TACR3: variants seen among roughly 807,000 people sequenced by gnomAD.
TACR3 encodes neuromedin-K receptor.
In TACR3, 34 loss-of-function variants were observed where a neutral mutation model predicts 35.0. The ratio of observed to expected loss-of-function variants is 0.97; its 90% confidence interval spans 0.74 to 1.30. The LOEUF is 1.30. Among genes scored for constraint, TACR3 ranks in the 50% most tolerant of loss-of-function variants. TACR3 has a pLI of 0.00. For missense variants in TACR3, 558 were observed against 591.7 expected (o/e 0.94, Z 0.59); for synonymous variants, 233 against 221.1 (o/e 1.05, Z -0.48).
At chr4:103,687,344 G>A (rs887356531) in intron 1 of TACR3, among the ~76,000 whole-genome samples, 3 of 152,084 alleles carry the variant, frequency 2.0e-5, no homozygotes, top group African/African-American at 4.8e-5. Context: ...CACAAGACAG[G>A]GATGCCCTCT....
At chr4:103,635,842 T>A (rs1725176247) in intron 3 of TACR3, among the ~76,000 whole-genome samples, 1 of 151,990 alleles carries the variant, frequency 6.6e-6, no homozygotes, top group Non-Finnish European at 1.5e-5. Flanking sequence ...AACATATTAC[T>A]GAATCAGTAC....
chr4:103,652,575 T>G (rs903056014), intron 3 of TACR3, among the ~76,000 whole-genome samples: 1 of 152,030 alleles, frequency 6.6e-6, no homozygotes, highest in African/African-American at 2.4e-5. Flanking sequence ...TAGGAAATGA[T>G]TATTTTTGTG....
At chr4:103,605,818 C>T (rs1397145568) in intron 3 of TACR3, among the ~76,000 whole-genome samples, 4 of 152,060 alleles carry the variant, frequency 2.6e-5, no homozygotes, top group Non-Finnish European at 4.4e-5. Context: ...TGCAGAAGCT[C>T]TTTAGTTTAA....
chr4:103,603,176 G>T (rs896428653), intron 3 of TACR3, among the ~76,000 whole-genome samples: 3 of 152,212 alleles, frequency 2.0e-5, no homozygotes, highest in African/African-American at 7.2e-5. Flanking sequence ...AGACTCCATG[G>T]GCGTAGGACC....
intron 1 of TACR3, among the ~76,000 whole-genome samples, chr4:103,659,172 C>T (rs944872855): frequency 2.0e-5 from 3 of 152,194 alleles, no homozygotes; most frequent in Non-Finnish European, 2.9e-5. Flanking sequence ...CCACCACTCA[C>T]TTCCTGCTGT....
At chr4:103,714,982 C>A (rs989860994) in intron 1 of TACR3, among the ~76,000 whole-genome samples, 8 of 152,076 alleles carry the variant, frequency 5.3e-5, no homozygotes, top group African/African-American at 1.9e-4. Context: ...AAATTAAAAA[C>A]AACAAAGGGT....
At chr4:103,717,935 G>A (rs1483672260) in intron 1 of TACR3, among the ~76,000 whole-genome samples, 3 of 152,096 alleles carry the variant, frequency 2.0e-5, no homozygotes, top group African/African-American at 4.8e-5. Flanking sequence ...TTTAAAAAGT[G>A]TGATTTTGTG....
intron 3 of TACR3, among the ~76,000 whole-genome samples, chr4:103,646,614 G>T (rs1005301306): frequency 1.3e-5 from 2 of 151,938 alleles, no homozygotes; most frequent in African/African-American, 4.8e-5. Flanking sequence ...TGTCAGTAGG[G>T]AGTCATTTGT....
At chr4:103,617,658 T>C (rs1204457148) in intron 3 of TACR3, among the ~76,000 whole-genome samples, 1 of 152,216 alleles carries the variant, frequency 6.6e-6, no homozygotes, top group Non-Finnish European at 1.5e-5. Context: ...ACTTGGAATA[T>C]CAAAATGATT....
At chr4:103,695,208 C>T (rs1406105409) in intron 1 of TACR3, among the ~76,000 whole-genome samples, 10 of 152,208 alleles carry the variant, frequency 6.6e-5, no homozygotes, top group South Asian at 2.1e-4. Flanking sequence ...TTTTCTAGTA[C>T]GTTTGACTTT....
At chr4:103,695,692 T>C (rs1722505859) in intron 1 of TACR3, among the ~76,000 whole-genome samples, 1 of 148,268 alleles carries the variant, frequency 6.7e-6, no homozygotes, top group African/African-American at 2.6e-5. Context: ...GTCAACAGAA[T>C]ATAGATATGT....
chr4:103,705,754 G>A (rs2110226981), intron 1 of TACR3, among the ~76,000 whole-genome samples: 1 of 152,196 alleles, frequency 6.6e-6, no homozygotes, highest in East Asian at 1.9e-4. Context: ...GGAAAACTGT[G>A]TATTCAAAGA....
chr4:103,699,901 T>C (rs922060911), intron 1 of TACR3, among the ~76,000 whole-genome samples: 8 of 152,170 alleles, frequency 5.3e-5, no homozygotes, highest in Non-Finnish European at 8.8e-5. Flanking sequence ...GGCTGTCGTA[T>C]TTAAAACTCT....
chr4:103,682,659 C>T lies in TACR3; in HGVS notation c.549-24256G>A, dbSNP rs193065482. ...TATCACTGGAGCTACAGGTGTGAGC[C>T]GTCACATCCTGCAAAAACAGTTAAT... On this transcript the variant is annotated intron_variant, in intron 1 of 4. Coordinates refer to ENST00000304883, the MANE Select transcript of TACR3 (RefSeq NM_001059.3). Among the ~76,000 whole-genome samples, 17 of 152,104 alleles carry T rather than the reference C, an allele frequency of 1.1e-4. 1 individual carries two copies. Among genetic ancestry groups the T allele is most frequent in the Admixed American group, 7.2e-4 (11 of 15,246 alleles).
At chr4:103,711,659 G>T (rs1722966454) in intron 1 of TACR3, among the ~76,000 whole-genome samples, 1 of 152,080 alleles carries the variant, frequency 6.6e-6, no homozygotes, top group African/African-American at 2.4e-5. Context: ...TCAGGCAGGA[G>T]AAAGAAATAA....
intron 3 of TACR3, among the ~76,000 whole-genome samples, chr4:103,615,493 T>G (rs1450043965): frequency 1.3e-5 from 2 of 151,562 alleles, no homozygotes; most frequent in Non-Finnish European, 2.9e-5. Context: ...ACTTAAAAAA[T>G]AGCAAGCCTA....
chr4:103,648,693 G>A (rs530656002), intron 3 of TACR3, among the ~76,000 whole-genome samples: 1 of 152,210 alleles, frequency 6.6e-6, no homozygotes, highest in Admixed American at 6.6e-5. Context: ...TCTGTTGATG[G>A]ACATTTAGGT....
At chr4:103,686,249 T>C (rs1254341610) in intron 1 of TACR3, among the ~76,000 whole-genome samples, 1 of 152,186 alleles carries the variant, frequency 6.6e-6, no homozygotes, top group African/African-American at 2.4e-5. Context: ...TGAGGCAGAC[T>C]TGTAAACCTT....
chr4:103,653,281 C>T (rs1040828927), intron 3 of TACR3, among the ~76,000 whole-genome samples: 105 of 151,920 alleles, frequency 6.9e-4, no homozygotes, highest in African/African-American at 2.4e-3. Flanking sequence ...TAATGTTTTG[C>T]CTTACTCTCA....
Sources: gnomAD v4.1 joint callset for allele counts (sites outside exome capture counted in the v4.1 genomes callset) on GRCh38, gnomAD v4.1.1 for gene constraint, MANE v1.5 for transcripts, NCBI Gene and HGNC (gene_info 2026-07-23, HGNC 2026-07-21) for gene names.